The following SRRM2 variants were observed in gnomAD, a reference collection of about 807,000 sequenced individuals.
SRRM2 encodes serine/arginine repetitive matrix 2.
Under a neutral mutation model 213.8 loss-of-function variants are expected in SRRM2, and 30 were observed. That is an observed-to-expected ratio of 0.14 (90% CI 0.10 to 0.19). The LOEUF (loss-of-function observed/expected upper bound fraction) is 0.19, where lower values mean the gene tolerates loss of function less well. Among genes scored for constraint, SRRM2 ranks in the 10% least tolerant of loss-of-function variants. The pLI, the probability that SRRM2 is intolerant of heterozygous loss-of-function variation, is 1.00. For synonymous variants in SRRM2, 2,025 were observed against 1,377.7 expected (o/e 1.47, Z -10.40); for missense variants, 4,904 against 3,647.0 (o/e 1.34, Z -8.88).
Position 2,757,896 on chromosome 16 carries a change from C to A in SRRM2, c.466C>A (p.Arg156Ser). The A allele has an allele frequency of 6.2e-7, 1 of 1,614,172 alleles. No individual in the cohort carries two copies. The highest frequency in any genetic ancestry group is 8.5e-7 in the Non-Finnish European group (1 of 1,180,032). Residue 156 changes from arginine to serine, a missense_variant, in exon 4 of 15, where the codon CGT becomes AGT. Transcript: ENST00000301740. ...TGGCAGCTCTTTTGATCCTCAGCGTCGTGCCCGAGAAGCTAAACAACCAGC... is the reference window on the plus strand; with the variant it reads ...TGGCAGCTCTTTTGATCCTCAGCGTAGTGCCCGAGAAGCTAAACAACCAGC... ...VDGSSFDPQR[R>S]AREAKQPAPE...
rs1244355092 is a variant in SRRM2 at position 2,771,368 on chromosome 16, G to C, written c.*501G>C. The C allele has an allele frequency of 6.3e-7, 1 of 1,597,100 alleles. No individual in the cohort carries two copies. Among genetic ancestry groups the C allele is most frequent in the East Asian group, 2.2e-5 (1 of 44,824 alleles). On this transcript the variant is annotated 3_prime_UTR_variant, in exon 15 of 15. Coordinates refer to ENST00000301740, the MANE Select transcript of SRRM2 (RefSeq NM_016333.4). ...ATTTTGGTTTTTTAAAATCTGTACAGCAAGAGCAACTTTTTCTGTCAAATA... is the reference window on the plus strand; with the variant it reads ...ATTTTGGTTTTTTAAAATCTGTACACCAAGAGCAACTTTTTCTGTCAAATA...
chr16:2,771,348 G>A lies in SRRM2; in HGVS notation c.*481G>A. 1 of 1,507,162 alleles carries A rather than the reference G, an allele frequency of 6.6e-7. No individual in the cohort carries two copies. Among genetic ancestry groups the A allele is most frequent in the Non-Finnish European group, 9.2e-7 (1 of 1,085,414 alleles). The allele number at this position is 1,507,162 out of a possible 1,614,324, so 93.4% of individuals were successfully genotyped here. On this transcript the variant is annotated 3_prime_UTR_variant, in exon 15 of 15. Transcript: ENST00000301740. ...TTTTCATGTTTCTTAAAGGCATTTT[G>A]GTTTTTTAAAATCTGTACAGCAAGA... is the stretch of plus-strand genomic sequence containing the variant.
At chr16:2,768,957 G>A (rs756106656) in intron 11 of SRRM2, 40 bp from the exon 12 acceptor site, 1 of 1,606,328 alleles carries the variant, frequency 6.2e-7, no homozygotes. Flanking sequence ...GTTGGGGCTG[G>A]GGCAGCTTGT....
Position 2,759,210 on chromosome 16 carries a change from G to A in SRRM2, c.689+38G>A, listed in dbSNP as rs199511291. 4.1e-5 allele frequency: 66 copies of A among 1,608,988 alleles called. No individual in the cohort carries two copies. The African/African-American group carries it at 7.9e-4, about 19-fold the overall frequency. On this transcript the variant is annotated intron_variant, in intron 7 of 14. Transcript: ENST00000301740. Reference sequence around the variant, plus strand: ...TAACTCATAGGGGGCGCAGTGGCATGTGGAGTGGTGATTTTTTTTTCTTGG... The same window carrying A: ...TAACTCATAGGGGGCGCAGTGGCATATGGAGTGGTGATTTTTTTTTCTTGG...
chr16:2,752,961 C>G (rs969040829), intron 1 of SRRM2, 115 bp downstream of exon 1: 1 of 153,892 alleles, frequency 6.5e-6, no homozygotes, highest in South Asian at 1.9e-4. Context: ...CGCACGCGCG[C>G]TCGACGCCCT....
chr16:2,764,792 G>T lies in SRRM2; in HGVS notation c.4264G>T (p.Ala1422Ser), dbSNP rs976273113. ...RTPSRERSSS[A>S]SSPEMKDGLP... ...ACCCTCGAGAGAAAGAAGTAGTTCT[G>T]CATCTTCTCCTGAAATGAAAGATGG... is the stretch of plus-strand genomic sequence containing the variant. The change falls in exon 11 of 15, where the codon GCA becomes TCA. Residue 1422 changes from alanine to serine, a missense_variant. Ala to Ser is a moderately conservative substitution (Grantham distance 99). Coordinates refer to ENST00000301740, the MANE Select transcript of SRRM2 (RefSeq NM_016333.4). The T allele has an allele frequency of 6.2e-7, 1 of 1,614,040 alleles. No individual in the cohort carries two copies. Among genetic ancestry groups the T allele is most frequent in the African/African-American group, 1.3e-5 (1 of 74,910 alleles).
Position 2,769,061 on chromosome 16 carries a change from C to G in SRRM2, c.7798C>G (p.Pro2600Ala). Residue 2600 changes from proline (P) to alanine (A), a missense_variant, in exon 12 of 15, where the codon CCA becomes GCA. Coordinates refer to ENST00000301740, the MANE Select transcript of SRRM2 (RefSeq NM_016333.4). ...AGAGGGACGTCCTCCGGAGCCAACCCCAGCCAAACGGAAGAGGCGCTCTAG... is the reference window on the plus strand; with the variant it reads ...AGAGGGACGTCCTCCGGAGCCAACCGCAGCCAAACGGAAGAGGCGCTCTAG... ...VREGRPPEPT[P>A]AKRKRRSSSS... is the part of the protein sequence containing the mutation. 6.2e-7 allele frequency: 1 copy of G among 1,614,108 alleles called. No individual in the cohort carries two copies. Among genetic ancestry groups the G allele is most frequent in the Admixed American group, 1.7e-5 (1 of 60,024 alleles).
chr16:2,762,459 G>A lies in SRRM2; in HGVS notation c.1931G>A (p.Ser644Asn), dbSNP rs188730163. The A allele has an allele frequency of 1.6e-5, 26 of 1,614,016 alleles. No homozygotes were observed. In the East Asian group the frequency reaches 4.5e-4, roughly 28 times the overall value. ...CGTAGTAGATCACCAGCCAGGAGAA[G>A]TGGCAGGTCACGCTCTAGAACCCCA... ...RSRSRSPARR[S>N]GRSRSRTPAR... Residue 644 changes from serine (S) to asparagine (N), a missense_variant, in exon 11 of 15, where the codon AGT becomes AAT. By Grantham distance (46) the Ser-to-Asn change is conservative. Coordinates refer to ENST00000301740, the MANE Select transcript of SRRM2 (RefSeq NM_016333.4).
intron 12 of SRRM2, chr16:2,770,151 C>T: frequency 1.4e-6 from 2 of 1,432,914 alleles, no homozygotes; most frequent in Non-Finnish European, 1.8e-6. Flanking sequence ...TCTTTGCATC[C>T]CCCGCTGCAC....
At position 2,767,887 on chromosome 16, in the gene SRRM2, T is replaced by G; in HGVS notation, c.7359T>G (p.Ser2453=). 6.2e-7 allele frequency: 1 copy of G among 1,614,110 alleles called. No homozygotes were observed. Among genetic ancestry groups the G allele is most frequent in the Non-Finnish European group, 8.5e-7 (1 of 1,179,974 alleles). Residue 2453 remains serine (S), a synonymous_variant, in exon 11 of 15, where the codon TCT becomes TCG. Transcript: ENST00000301740. ...AQDQPRSPVP[S]AFSDQSRCLI... Reference sequence around the variant, plus strand: ...ATCAGCCGAGGTCTCCTGTGCCTTCTGCTTTTTCAGACCAATCCCGTTGTT... The same window carrying G: ...ATCAGCCGAGGTCTCCTGTGCCTTCGGCTTTTTCAGACCAATCCCGTTGTT...
At chr16:2,759,743 C>CT (rs1406754156) in intron 9 of SRRM2, 82 bp downstream of exon 9, 7 of 1,308,422 alleles carry the variant, frequency 5.3e-6, no homozygotes, top group Admixed American at 1.8e-5. Context: ...CCACGGTGTG[C>CT]TAGGCGCTGC....
intron 11 of SRRM2, chr16:2,768,729 G>A (rs1182603405): frequency 1.4e-6 from 1 of 720,742 alleles, no homozygotes; most frequent in Non-Finnish European, 2.5e-6. Flanking sequence ...CCACACCTGA[G>A]CCCAGAGGCC....
rs776773195 is a variant in SRRM2 at position 2,752,748 on chromosome 16, C to T, written c.-130C>T. 2 of 351,936 alleles carry T rather than the reference C, an allele frequency of 5.7e-6. No individual in the cohort carries two copies. Among genetic ancestry groups the T allele is most frequent in the Non-Finnish European group, 5.7e-6 (1 of 176,758 alleles). 21.8% of individuals were successfully genotyped at this position (351,936 alleles called of 1,614,324 possible). A position where few individuals can be genotyped will look rare whatever the true frequency, so the allele number is the denominator to read the frequency against. ...GCGTCGGCTGAGGCGGGCGGACCGG[C>T]GAGGCGAGGCGGCGGCCCCAGGCCC... On this transcript the variant is annotated 5_prime_UTR_variant, in exon 1 of 15. Coordinates refer to ENST00000301740, the MANE Select transcript of SRRM2 (RefSeq NM_016333.4).
chr16:2,766,602 C>G lies in SRRM2; in HGVS notation c.6074C>G (p.Ala2025Gly). The change falls in exon 11 of 15, where the codon GCT becomes GGT. Residue 2025 changes from alanine (A) to glycine (G), a missense_variant. Ala to Gly is a moderately conservative substitution (Grantham distance 60, BLOSUM62 0). Coordinates refer to ENST00000301740, the MANE Select transcript of SRRM2 (RefSeq NM_016333.4). This position sits in a 1 kb window ranked among gnomAD's most constrained non-coding sequence, Gnocchi z 7.0. ...RRRSRSRTPP[A>G]IRRRSRSRTP... ...CGCTCTAGGTCCCGGACACCTCCAGCTATTCGGCGCCGCTCTAGATCTCGA... is the reference window on the plus strand; with the variant it reads ...CGCTCTAGGTCCCGGACACCTCCAGGTATTCGGCGCCGCTCTAGATCTCGA... The G allele has an allele frequency of 6.2e-7, 1 of 1,613,932 alleles. No homozygotes were observed. Among genetic ancestry groups the G allele is most frequent in the Non-Finnish European group, 8.5e-7 (1 of 1,179,866 alleles).
chr16:2,765,028 A>T lies in SRRM2; in HGVS notation c.4500A>T (p.Pro1500=), dbSNP rs2150777605. 1.9e-6 allele frequency: 3 copies of T among 1,614,012 alleles called. 1 individual carries two copies. The South Asian group carries it at 3.3e-5, about 18-fold the overall frequency. Residue 1500 remains proline (P), a synonymous_variant, in exon 11 of 15, where the codon CCA becomes CCT. Coordinates refer to ENST00000301740, the MANE Select transcript of SRRM2 (RefSeq NM_016333.4). ...PQTPRPRSRS[P]SSPELNNKCL... is the part of the protein sequence containing the mutation. ...CTCCTAGGCCGAGGAGTCGTTCTCCATCATCCCCAGAGCTCAACAACAAGT... is the reference window on the plus strand; with the variant it reads ...CTCCTAGGCCGAGGAGTCGTTCTCCTTCATCCCCAGAGCTCAACAACAAGT...
In SRRM2 at chr16:2,766,378, TCCA is replaced by T. The variant is rs750180347; in HGVS notation, c.5854_5856del (p.Pro1952del). 23 of 1,612,724 alleles carry T rather than the reference TCCA, an allele frequency of 1.4e-5. No individual in the cohort carries two copies. Among genetic ancestry groups the T allele is most frequent in the Non-Finnish European group, 1.7e-5 (20 of 1,179,652 alleles). On this transcript the variant is annotated inframe_deletion, in exon 11 of 15. Coordinates refer to ENST00000301740, the MANE Select transcript of SRRM2 (RefSeq NM_016333.4). The surrounding 1 kb of genome is among the most constrained non-coding windows in gnomAD (Gnocchi z 7.0). ...CACGCCGCCGCTCCCGTTCTAGAAC[TCCA>T]CCAGTGACTCGCAGAAGGTCCAGAT...
chr16:2,770,778 C>T lies in SRRM2; in HGVS notation c.8249+61C>T, dbSNP rs990617666. 51 of 1,607,296 alleles carry T rather than the reference C, an allele frequency of 3.2e-5. 1 individual carries two copies. Among genetic ancestry groups the T allele is most frequent in the Non-Finnish European group, 1.0e-5 (12 of 1,176,308 alleles). On this transcript the variant is annotated intron_variant, in intron 14 of 14. Coordinates refer to ENST00000301740, the MANE Select transcript of SRRM2 (RefSeq NM_016333.4). ...AGCCAGTTGTGGTGGTGGGTGGCGG[C>T]CCCATTTTGGGAGTGGCCCAGAAAC...
At chr16:2,769,711 TCCCTC>T (rs1437436688) in intron 12 of SRRM2, 3 of 479,066 alleles carry the variant, frequency 6.3e-6, no homozygotes, top group East Asian at 6.4e-5. Flanking sequence ...TCTGGCTACT[TCCCTC>T]CACTCCACAA....
intron 2 of SRRM2, among the ~76,000 whole-genome samples, chr16:2,757,267 T>G (rs1323186281): frequency 6.6e-6 from 1 of 152,064 alleles, no homozygotes; most frequent in African/African-American, 2.4e-5. Context: ...TGTAGCATAT[T>G]TAAAATCCAC....
Sources: gnomAD v4.1 joint callset for allele counts (sites outside exome capture counted in the v4.1 genomes callset) on GRCh38, gnomAD v4.1.1 for gene constraint, Gnocchi (gnomAD v3.1) non-coding constraint, MANE v1.5 for transcripts, NCBI Gene and HGNC (gene_info 2026-07-23, HGNC 2026-07-21) for gene names.